Variants in FIRRM observed in about 807,000 individuals in gnomAD.
The protein encoded by FIRRM is FIGNL1 interacting regulator of recombination and mitosis.
the FIRRM span, chr1:169,853,768 T>G: frequency 1.2e-6 from 2 of 1,613,812 alleles, no homozygotes; most frequent in Non-Finnish European, 1.7e-6. Context: ...GCCTTCAGCC[T>G]CTCCCTGCAA....
At chr1:169,849,271 C>T in the FIRRM span, among the ~76,000 whole-genome samples, 1 of 152,178 alleles carries the variant, frequency 6.6e-6, no homozygotes, top group South Asian at 2.1e-4. Context: ...ACAAAGGTAG[C>T]AGGACTTTGC....
the FIRRM span, among the ~76,000 whole-genome samples, chr1:169,797,832 G>T: frequency 2.6e-5 from 4 of 151,994 alleles, no homozygotes; most frequent in Middle Eastern, 3.2e-3. Flanking sequence ...GTGAGCCACC[G>T]TGCCCGGCCG....
the FIRRM span, chr1:169,827,640 A>G: frequency 6.4e-7 from 1 of 1,571,666 alleles, no homozygotes; most frequent in Non-Finnish European, 8.7e-7. Flanking sequence ...TCTGACTCAA[A>G]CAAAAAAAAA....
At chr1:169,792,824 A>G in the FIRRM span, 1 of 1,613,834 alleles carries the variant, frequency 6.2e-7, no homozygotes, top group Non-Finnish European at 8.5e-7. Flanking sequence ...TTCTGAGGTG[A>G]GAATGAGATC....
the FIRRM span, chr1:169,829,461 A>C: frequency 6.3e-7 from 1 of 1,599,686 alleles, no homozygotes; most frequent in Non-Finnish European, 8.5e-7. Flanking sequence ...TAAGCATATT[A>C]CTTACTGTGC....
the FIRRM span, chr1:169,827,260 T>A: frequency 7.4e-7 from 1 of 1,354,208 alleles, no homozygotes; most frequent in Non-Finnish European, 1.0e-6. Flanking sequence ...AGACACTGAT[T>A]TCCCCTAGCC....
chr1:169,827,924 G>T, the FIRRM span: 3 of 1,446,874 alleles, frequency 2.1e-6, no homozygotes, highest in African/African-American at 1.4e-5. Context: ...TTAAGTTTGT[G>T]TGTTTTTTTT....
the FIRRM span, chr1:169,832,437 A>G: frequency 6.2e-7 from 1 of 1,613,198 alleles, no homozygotes; most frequent in Non-Finnish European, 8.5e-7. Flanking sequence ...GCCCTGGAGA[A>G]TGTTATCAAC....
the FIRRM span, among the ~76,000 whole-genome samples, chr1:169,818,639 G>A: frequency 1.3e-5 from 2 of 152,084 alleles, no homozygotes; most frequent in Non-Finnish European, 2.9e-5. Flanking sequence ...TAAATATACA[G>A]AAGAAGAGAT....
the FIRRM span, chr1:169,830,377 T>C: frequency 6.6e-7 from 1 of 1,508,932 alleles, no homozygotes; most frequent in African/African-American, 1.4e-5. Flanking sequence ...TTTGGATTGG[T>C]TATTAGTAGT....
At chr1:169,845,436 A>G in the FIRRM span, among the ~76,000 whole-genome samples, 5 of 152,186 alleles carry the variant, frequency 3.3e-5, no homozygotes, top group East Asian at 1.9e-4. Context: ...TGCCACATCA[A>G]TTGACTCTTC....
chr1:169,814,407 A>G, the FIRRM span, among the ~76,000 whole-genome samples: 4 of 152,324 alleles, frequency 2.6e-5, no homozygotes, highest in South Asian at 2.1e-4. Flanking sequence ...ATTATTTTCT[A>G]TATATTCAGT....
chr1:169,815,349 C>T, the FIRRM span, among the ~76,000 whole-genome samples: 2 of 151,882 alleles, frequency 1.3e-5, no homozygotes, highest in African/African-American at 2.4e-5. Context: ...GTGGAGCAAC[C>T]CCTAAGTCTC....
chr1:169,794,574 T>C, the FIRRM span: 1 of 157,366 alleles, frequency 6.4e-6, no homozygotes, highest in Non-Finnish European at 1.4e-5. Flanking sequence ...CTATACCATC[T>C]GCCTCAATTT....
the FIRRM span, among the ~76,000 whole-genome samples, chr1:169,811,771 A>ATCTAAATAGATAATAGACAGATTC: frequency 6.6e-6 from 1 of 151,540 alleles, no homozygotes; most frequent in Non-Finnish European, 1.5e-5. Context: ...TAGACAGATT[A>ATCTAAATAGATAATAGACAGATTC]TCTAAATAGA....
chr1:169,826,926 A>G, the FIRRM span: 18 of 792,114 alleles, frequency 2.3e-5, 1 homozygote, highest in Middle Eastern at 3.1e-4. Context: ...TAAAATGCAC[A>G]CTTATTTTTA....
At chr1:169,821,902 G>A in the FIRRM span, 9 of 493,912 alleles carry the variant, frequency 1.8e-5, no homozygotes, top group Non-Finnish European at 2.9e-5. Flanking sequence ...GGTAAGGCTG[G>A]GATTTAAGTA....
the FIRRM span, among the ~76,000 whole-genome samples, chr1:169,834,217 A>G: frequency 1.3e-5 from 2 of 152,114 alleles, no homozygotes; most frequent in African/African-American, 2.4e-5. Context: ...CAGATATGTA[A>G]ATTATAGGTA....
chr1:169,814,893 A>G, the FIRRM span, among the ~76,000 whole-genome samples: 1 of 152,206 alleles, frequency 6.6e-6, no homozygotes, highest in East Asian at 1.9e-4. Context: ...TCAAAGGTCA[A>G]CTGTATTTAG....
Sources: allele counts gnomAD v4.1 joint callset (sites outside exome capture counted in the v4.1 genomes callset), GRCh38; gene constraint gnomAD v4.1.1; transcripts MANE v1.5; gene names NCBI Gene and HGNC (gene_info 2026-07-23, HGNC 2026-07-21).